EBF1: variants seen among roughly 807,000 people sequenced by gnomAD.
The protein encoded by EBF1 is EBF transcription factor 1.
Under a neutral mutation model 68.4 loss-of-function variants are expected in EBF1, and 10 were observed. The ratio of observed to expected loss-of-function variants is 0.15; its 90% confidence interval spans 0.09 to 0.25. EBF1 has a LOEUF of 0.25. EBF1 is among the 10% of genes least tolerant of loss of function. The pLI is 1.00. For missense variants in EBF1, 509 were observed against 794.4 expected (o/e 0.64, Z 4.32); for synonymous variants, 298 against 299.8 (o/e 0.99, Z 0.06).
At chr5:158,956,904 G>A (rs753458887) in intron 6 of EBF1, among the ~76,000 whole-genome samples, 32 of 151,946 alleles carry the variant, frequency 2.1e-4, no homozygotes, top group Admixed American at 6.6e-4. Flanking sequence ...GACTACAGGC[G>A]CCTGCCACCA....
intron 6 of EBF1, among the ~76,000 whole-genome samples, chr5:158,897,141 A>G (rs9313795): frequency 1 from 152,264 of 152,286 alleles, 76,121 homozygotes; most frequent in Middle Eastern, 1. Flanking sequence ...AGCACTATTC[A>G]CAATAACAAA....
chr5:158,801,528 T>C (rs1166498718), intron 8 of EBF1, among the ~76,000 whole-genome samples: 1 of 151,998 alleles, frequency 6.6e-6, no homozygotes, highest in Non-Finnish European at 1.5e-5. Context: ...AACAGATTAA[T>C]TGGTTTAAAT....
At chr5:159,013,254 G>A (rs1040102214) in intron 6 of EBF1, among the ~76,000 whole-genome samples, 22 of 152,130 alleles carry the variant, frequency 1.4e-4, no homozygotes, top group African/African-American at 4.6e-4. Flanking sequence ...GAAGCACCAC[G>A]GCAAGCACAG....
rs552165480 is a variant in EBF1, at chr5:158,892,639, AG to A, written c.555-52530del. ...TAATATATTGTATAAAATTGCCTTT[AG>A]GCTATAAGTTTAAGACATATATACA... On this transcript the variant is annotated intron_variant, in intron 6 of 15. Coordinates refer to ENST00000313708, the MANE Select transcript of EBF1 (RefSeq NM_024007.5). 1.4e-3 allele frequency among the ~76,000 whole-genome samples: 210 copies of A among 152,284 alleles called. 1 individual carries two copies. The highest frequency in any genetic ancestry group is 4.8e-3 in the African/African-American group (201 of 41,558).
In EBF1 at chr5:159,097,135, G is replaced by A. The variant is rs1016586633; in HGVS notation, c.135-5C>T. 4.3e-6 allele frequency: 7 copies of A among 1,612,800 alleles called. No homozygotes were observed. The South Asian group carries it at 5.5e-5, about 13-fold the overall frequency. On this transcript the variant is annotated splice_region_variant and splice_polypyrimidine_tract_variant and intron_variant, in intron 1 of 15. Transcript: ENST00000313708. ...GCCCGGGCCAGACCCACCCCGCTGC[G>A]GCCAAAGACGCAGAGTTAGATGGCT...
intron 6 of EBF1, among the ~76,000 whole-genome samples, chr5:158,954,781 T>C (rs1816728137): frequency 1.3e-5 from 2 of 152,194 alleles, no homozygotes; most frequent in South Asian, 4.1e-4. Flanking sequence ...TGGACACCAT[T>C]TTGTAAGCAC....
At chr5:158,822,137 G>T (rs1347783169) in intron 8 of EBF1, among the ~76,000 whole-genome samples, 6 of 152,112 alleles carry the variant, frequency 3.9e-5, no homozygotes, top group African/African-American at 1.4e-4. Context: ...AAAGAATCTT[G>T]CTGACCCTAG....
chr5:158,699,512 T>TC (rs1445214397), intron 15 of EBF1, among the ~76,000 whole-genome samples: 1 of 152,148 alleles, frequency 6.6e-6, no homozygotes, highest in Non-Finnish European at 1.5e-5. Context: ...CTTTTTTCCC[T>TC]CCCCTTCACA....
chr5:158,752,592 T>A (rs1385653903), intron 10 of EBF1, among the ~76,000 whole-genome samples: 1 of 152,116 alleles, frequency 6.6e-6, no homozygotes, highest in Non-Finnish European at 1.5e-5. Context: ...ATTTTTACTG[T>A]AATACATTTC....
intron 6 of EBF1, among the ~76,000 whole-genome samples, chr5:158,910,695 C>G (rs1303219046): frequency 6.6e-6 from 1 of 152,140 alleles, no homozygotes; most frequent in Non-Finnish European, 1.5e-5. Context: ...TTTCTCAGAA[C>G]AAATAGGTTT....
At chr5:158,843,723 T>C (rs913818668) in intron 6 of EBF1, among the ~76,000 whole-genome samples, 1 of 152,262 alleles carries the variant, frequency 6.6e-6, no homozygotes, top group East Asian at 1.9e-4. Flanking sequence ...TTCAAAGTTT[T>C]CCCCTAAGTA....
intron 6 of EBF1, among the ~76,000 whole-genome samples, chr5:158,885,920 T>C (rs532444560): frequency 6.6e-6 from 1 of 152,214 alleles, no homozygotes; most frequent in Non-Finnish European, 1.5e-5. Flanking sequence ...AAAGTACCTG[T>C]TGAAATTGCT....
intron 6 of EBF1, among the ~76,000 whole-genome samples, chr5:158,942,253 C>T (rs966112116): frequency 5.3e-5 from 8 of 152,094 alleles, no homozygotes; most frequent in African/African-American, 1.9e-4. Flanking sequence ...ATATGAAACC[C>T]CTATCTGGTA....
rs370733332 is a variant in EBF1, at chr5:158,708,070, G to T, written c.1653C>A (p.Ala551=). The part of the protein sequence containing the change: ...FSFSPANMVS[A]VKQKSAFAPV... ...GTGCGAAAGCACTCTTCTGTTTCAC[G>T]GCTGAGACCATGTTGGCTGGTGAGA... Residue 551 remains alanine, a synonymous_variant, in exon 15 of 16, where the codon GCC becomes GCA. Coordinates refer to ENST00000313708, the MANE Select transcript of EBF1 (RefSeq NM_024007.5). The T allele has an allele frequency of 1.9e-6, 3 of 1,568,258 alleles. No homozygotes were observed. The highest frequency in any genetic ancestry group is 2.6e-6 in the Non-Finnish European group (3 of 1,155,714).
chr5:158,863,595 C>G (rs778001662), intron 6 of EBF1, among the ~76,000 whole-genome samples: 2 of 152,158 alleles, frequency 1.3e-5, no homozygotes, highest in African/African-American at 4.8e-5. Context: ...TGAAGACACT[C>G]TAGCTGTAAA....
chr5:158,917,273 G>A lies in EBF1; in HGVS notation c.555-77163C>T, dbSNP rs549940737. Among the ~76,000 whole-genome samples, 257 of 152,234 alleles carry A rather than the reference G, an allele frequency of 1.7e-3. 2 individuals carry two copies. The Middle Eastern group carries it at 0.02, about 12-fold the overall frequency. ...TGTCTTTGAACCATTTAGATCCTTC[G>A]TACATACTCTCCAAGCCTCCAGTTC... is the stretch of plus-strand genomic sequence containing the variant. On this transcript the variant is annotated intron_variant, in intron 6 of 15. Transcript: ENST00000313708.
intron 6 of EBF1, among the ~76,000 whole-genome samples, chr5:159,051,362 C>G: frequency 8.9e-6 from 1 of 112,068 alleles, no homozygotes; most frequent in South Asian, 3.6e-4. Flanking sequence ...GCCCCCCAAA[C>G]AAATCCCCCG....
chr5:159,082,750 G>T (rs552053601), intron 5 of EBF1, among the ~76,000 whole-genome samples: 2 of 152,300 alleles, frequency 1.3e-5, no homozygotes, highest in South Asian at 2.1e-4. Flanking sequence ...AGGAAAACCC[G>T]TAATCTGTAA....
intron 6 of EBF1, among the ~76,000 whole-genome samples, chr5:158,927,587 A>G (rs1046438102): frequency 2.0e-5 from 3 of 152,186 alleles, no homozygotes; most frequent in Non-Finnish European, 2.9e-5. Context: ...TTTCACATCA[A>G]TGCCAGCAGG....
Sources: gnomAD v4.1 joint callset for allele counts (sites outside exome capture counted in the v4.1 genomes callset) on GRCh38, gnomAD v4.1.1 for gene constraint, MANE v1.5 for transcripts, NCBI Gene and HGNC (gene_info 2026-07-23, HGNC 2026-07-21) for gene names.